LIN7B: variants seen among roughly 807,000 people sequenced by gnomAD.
LIN7B encodes protein lin-7 homolog B.
In LIN7B, 16 loss-of-function variants were observed where a neutral mutation model predicts 27.9. The observed-to-expected ratio is 0.57, with a 90% CI of 0.39 to 0.87. The LOEUF is 0.87. Among genes scored for constraint, LIN7B ranks in the 40% least tolerant of loss-of-function variants. LIN7B has a pLI of 0.00. For synonymous variants in LIN7B, 147 were observed against 120.8 expected, an observed-to-expected ratio of 1.22 and a Z score of -1.42; for missense variants, 291 against 288.5, an observed-to-expected ratio of 1.01 and a Z score of -0.06.
At chr19:49,116,215 T>C (rs925639770) in intron 3 of LIN7B, 48 bp from the exon 4 acceptor site, 3 of 1,556,958 alleles carry the variant, frequency 1.9e-6, no homozygotes, top group Non-Finnish European at 2.6e-6. Flanking sequence ...CCAGCTTTCA[T>C]GCCTACCTGG....
Position 49,118,375 on chromosome 19 carries a change from A to G in LIN7B, c.*2A>G. 1 of 1,613,988 alleles carries G rather than the reference A, an allele frequency of 6.2e-7. No individual in the cohort carries two copies. Among genetic ancestry groups the G allele is most frequent in the African/African-American group, 1.3e-5 (1 of 74,982 alleles). ...AGGTCCTTGGAGTCTCGAGGTTGAAACCACAGATCTGGACGTTCACGTGCA... is the reference window on the plus strand; with the variant it reads ...AGGTCCTTGGAGTCTCGAGGTTGAAGCCACAGATCTGGACGTTCACGTGCA... On this transcript the variant is annotated 3_prime_UTR_variant, in exon 6 of 6. Coordinates refer to ENST00000221459, the MANE Select transcript of LIN7B (RefSeq NM_022165.3).
intron 2 of LIN7B, 29 bp downstream of exon 2, chr19:49,114,996 G>A: frequency 7.5e-7 from 1 of 1,326,160 alleles, no homozygotes; most frequent in Non-Finnish European, 9.9e-7. Flanking sequence ...AGGGGCGCGA[G>A]CTGGTGGCCG....
Position 49,116,405 on chromosome 19 carries a change from C to T in LIN7B, c.371C>T (p.Pro124Leu), listed in dbSNP as rs2040826318. 1.2e-6 allele frequency: 2 copies of T among 1,614,224 alleles called. No individual in the cohort carries two copies. Among genetic ancestry groups the T allele is most frequent in the Admixed American group, 1.7e-5 (1 of 60,026 alleles). The part of the protein sequence containing the change: ...NSPIYISRVI[P>L]GGVADRHGGL... ...CCCATCTACATCTCCCGGGTCATCC[C>T]AGGGGGTGTGGCTGACCGCCATGGA... The change falls in exon 4 of 6, where the codon CCA becomes CTA. Residue 124 changes from proline to leucine, a missense_variant. Coordinates refer to ENST00000221459, the MANE Select transcript of LIN7B (RefSeq NM_022165.3).
At chr19:49,114,553 G>C (rs1487142845) in intron 1 of LIN7B, 112 bp downstream of exon 1, 2 of 859,116 alleles carry the variant, frequency 2.3e-6, no homozygotes, top group Non-Finnish European at 3.1e-6. Context: ...GGACCCGGAG[G>C]GGGTGGGCGG....
intron 5 of LIN7B, 42 bp from the exon 6 acceptor site, chr19:49,118,310 G>C: frequency 6.2e-7 from 1 of 1,612,288 alleles, no homozygotes; most frequent in East Asian, 2.2e-5. Flanking sequence ...TGTCTACCCG[G>C]AGCCTCCCTG....
At chr19:49,115,428 AT>A in intron 3 of LIN7B, 97 bp downstream of exon 3, 1 of 851,920 alleles carries the variant, frequency 1.2e-6, no homozygotes, top group Non-Finnish European at 1.7e-6. Context: ...CTCCCTCATG[AT>A]TTTTGCTAAA....
chr19:49,117,942 C>T lies in LIN7B; in HGVS notation c.526C>T (p.Arg176Ter). The T allele has an allele frequency of 1.2e-6, 2 of 1,614,070 alleles. No individual in the cohort carries two copies. Among genetic ancestry groups the T allele is most frequent in the Non-Finnish European group, 1.7e-6 (2 of 1,179,976 alleles). The stretch of plus-strand genomic sequence containing the variant: ...GAAGCTGGTTGTCCGTTACACACCG[C>T]GAGTGCTGGAGGAGATGGAGGCCCG... Reference protein sequence around the residue: ...SVKLVVRYTPRVLEEMEARFE... With the variant: ...SVKLVVRYTP The change falls in exon 5 of 6, where the codon CGA becomes TGA. Residue 176 changes from arginine to a stop codon, truncating the protein, a stop_gained. Transcript: ENST00000221459. LOFTEE classifies it high-confidence loss of function.
chr19:49,114,521 A>AGGCCAGTGCGGGTG, intron 1 of LIN7B, 80 bp downstream of exon 1: 1 of 1,101,796 alleles, frequency 9.1e-7, no homozygotes, highest in Non-Finnish European at 1.1e-6. Flanking sequence ...TTCCCGGGTC[A>AGGCCAGTGCGGGTG]GGCCAGTGCG....
intron 2 of LIN7B, 52 bp downstream of exon 2, chr19:49,115,019 T>G: frequency 8.4e-7 from 1 of 1,187,110 alleles, no homozygotes. Context: ...GTCCTCCTCC[T>G]CCTCCTCCTG....
intron 1 of LIN7B, chr19:49,114,645 C>T (rs2040794280): frequency 4.4e-6 from 2 of 454,714 alleles, no homozygotes; most frequent in Non-Finnish European, 7.2e-6. Flanking sequence ...CGCCTTACAA[C>T]CCGGCCTGTG....
chr19:49,117,774 T>C lies in LIN7B; in HGVS notation c.439-81T>C. 3.1e-6 allele frequency: 4 copies of C among 1,284,172 alleles called. No individual in the cohort carries two copies. In the East Asian group the frequency reaches 9.3e-5, roughly 30 times the overall value. The allele number at this position is 1,284,172 out of a possible 1,614,324, so 79.5% of individuals were successfully genotyped here. A position where few individuals can be genotyped will look rare whatever the true frequency, so the allele number is the denominator to read the frequency against. On this transcript the variant is annotated intron_variant, in intron 4 of 5. Coordinates refer to ENST00000221459, the MANE Select transcript of LIN7B (RefSeq NM_022165.3). ...ATCTCAGGGCTGGCACCAGGCTCAC[T>C]AGCAGTGGGTCCCATCTCCCAGTGG...
chr19:49,115,034 T>A, intron 2 of LIN7B, 67 bp downstream of exon 2: 1 of 1,127,406 alleles, frequency 8.9e-7, no homozygotes, highest in Non-Finnish European at 1.2e-6. Flanking sequence ...CTCCTGCTTG[T>A]CCCGAGCCCG....
intron 1 of LIN7B, 143 bp from the exon 2 acceptor site, chr19:49,114,706 C>G: frequency 2.0e-6 from 1 of 497,704 alleles, no homozygotes; most frequent in Non-Finnish European, 3.3e-6. Context: ...CCTGCGCCAC[C>G]CTGGACTCTG....
chr19:49,116,623 T>G (rs1372283205), intron 4 of LIN7B, 151 bp downstream of exon 4: 1 of 736,472 alleles, frequency 1.4e-6, no homozygotes, highest in Non-Finnish European at 2.2e-6. Context: ...GATGTTGGCC[T>G]CAGCTCCCTA....
chr19:49,115,383 C>G (rs372670595), intron 3 of LIN7B, 52 bp downstream of exon 3: 1 of 1,432,632 alleles, frequency 7.0e-7, no homozygotes, highest in South Asian at 1.3e-5. Context: ...CCTAGTCGAA[C>G]TCAATATCTC....
chr19:49,117,830 C>T lies in LIN7B; in HGVS notation c.439-25C>T, dbSNP rs1297254256. On this transcript the variant is annotated intron_variant, in intron 4 of 5. Transcript: ENST00000221459. ...GGACGAGGGCAGCGGGCCCCAGGCT[C>T]AGCTGTCTGTGTTGGGCCCTGCAGA... The T allele has an allele frequency of 2.5e-6, 4 of 1,607,522 alleles. No individual in the cohort carries two copies. The East Asian group carries it at 8.9e-5, about 36-fold the overall frequency.
In LIN7B at chr19:49,117,878, G is replaced by A. The variant is rs752472584; in HGVS notation, c.462G>A (p.Glu154=). The A allele has an allele frequency of 6.8e-6, 11 of 1,613,458 alleles. No homozygotes were observed. The Admixed American group carries it at 1.0e-4, about 15-fold the overall frequency. The change falls in exon 5 of 6, where the codon GAG becomes GAA. Residue 154 remains glutamate (E), a synonymous_variant. Transcript: ENST00000221459. The part of the protein sequence containing the change: ...NGVSVEGEQH[E]KAVELLKAAQ... ...AGAGCGTTGAGGGTGAGCAGCATGA[G>A]AAGGCGGTGGAGCTGCTGAAGGCGG...
intron 4 of LIN7B, 71 bp from the exon 5 acceptor site, chr19:49,117,784 T>C (rs1188847780): frequency 7.2e-7 from 1 of 1,382,688 alleles, no homozygotes; most frequent in Non-Finnish European, 1.0e-6. Context: ...TAGCAGTGGG[T>C]CCCATCTCCC....
chr19:49,114,488 T>A, intron 1 of LIN7B, 47 bp downstream of exon 1: 2 of 1,182,366 alleles, frequency 1.7e-6, no homozygotes, highest in Non-Finnish European at 2.1e-6. Flanking sequence ...GCGGCCTACA[T>A]ACCCAGCCCC....
Sources: gnomAD v4.1 joint callset for allele counts on GRCh38, gnomAD v4.1.1 for gene constraint, MANE v1.5 for transcripts, NCBI Gene and HGNC (gene_info 2026-07-23, HGNC 2026-07-21) for gene names.